Variants in PCDHGB7 observed in about 807,000 individuals in gnomAD.
PCDHGB7 encodes the protein protocadherin gamma subfamily B, 7, also known as protocadherin gamma-B7.
PCDHGB7 carries 37 observed loss-of-function variants against 61.4 expected under a neutral mutation model. The ratio of observed to expected loss-of-function variants is 0.60; its 90% confidence interval spans 0.46 to 0.79. The LOEUF (loss-of-function observed/expected upper bound fraction) is 0.79, where lower values mean the gene tolerates loss of function less well. PCDHGB7 is among the 30% of genes least tolerant of loss of function. The pLI is 0.00. For synonymous variants in PCDHGB7, 464 were observed against 503.5 expected, an observed-to-expected ratio of 0.92 and a Z score of 1.05; for missense variants, 1,166 against 1,202.5, an observed-to-expected ratio of 0.97 and a Z score of 0.45.
chr5:141,420,382 C>A, intron 1 of PCDHGB7, 108 bp downstream of exon 1: 1 of 1,300,530 alleles, frequency 7.7e-7, no homozygotes. Flanking sequence ...ATAGAGTTCG[C>A]AAAATATAGG....
intron 1 of PCDHGB7, among the ~76,000 whole-genome samples, chr5:141,451,830 G>A (rs940668278): frequency 6.6e-5 from 10 of 151,238 alleles, no homozygotes; most frequent in East Asian, 1.9e-4. Flanking sequence ...ACAGTGAGCC[G>A]AGATCACACC....
intron 1 of PCDHGB7, chr5:141,440,087 A>C (rs1014881024): frequency 6.6e-6 from 1 of 152,316 alleles, no homozygotes; most frequent in African/African-American, 2.4e-5. Context: ...CTTCATTCTA[A>C]GTGGGGAAAG....
intron 1 of PCDHGB7, chr5:141,426,675 C>T: frequency 2.3e-6 from 1 of 431,942 alleles, no homozygotes; most frequent in South Asian, 1.6e-5. Flanking sequence ...TAACCCACCT[C>T]ATTTTCCCCA....
chr5:141,460,214 G>C (rs925628892), intron 1 of PCDHGB7, among the ~76,000 whole-genome samples: 1 of 151,896 alleles, frequency 6.6e-6, no homozygotes, highest in South Asian at 2.1e-4. Flanking sequence ...CATTTTCTTA[G>C]TTGTGTCTTT....
Position 141,490,311 on chromosome 5 carries a change from C to T in PCDHGB7, c.2416-4496C>T. 6.2e-7 allele frequency: 1 copy of T among 1,614,200 alleles called. No individual in the cohort carries two copies. The highest frequency in any genetic ancestry group is 8.5e-7 in the Non-Finnish European group (1 of 1,180,018). On this transcript the variant is annotated intron_variant, in intron 1 of 3. Coordinates refer to ENST00000398594, the MANE Select transcript of PCDHGB7 (RefSeq NM_018927.4). This position sits in a 1 kb window ranked among gnomAD's most constrained non-coding sequence, Gnocchi z 5.4. ...AGGTGCTATTGGCCTCTTTGGCCAA[C>T]CCTGTCCTAGAGAGCACACCAGTGG...
At chr5:141,495,379 C>T (rs989240656) in intron 2 of PCDHGB7, among the ~76,000 whole-genome samples, 3 of 152,208 alleles carry the variant, frequency 2.0e-5, no homozygotes, top group Non-Finnish European at 4.4e-5. Context: ...TGAGGAAGGA[C>T]TGGGCGGGGC....
At chr5:141,421,613 A>G in intron 1 of PCDHGB7, 2 of 1,613,838 alleles carry the variant, frequency 1.2e-6, no homozygotes, top group South Asian at 2.2e-5. Flanking sequence ...GATATTAATG[A>G]TAACGCCCCC....
intron 2 of PCDHGB7, among the ~76,000 whole-genome samples, chr5:141,501,530 G>A (rs556760554): frequency 3.5e-4 from 53 of 151,998 alleles, no homozygotes; most frequent in Admixed American, 2.2e-3. Context: ...AGCCCAGTAC[G>A]TTGTTGTGCA....
chr5:141,436,393 A>G (rs560164691), intron 1 of PCDHGB7, among the ~76,000 whole-genome samples: 2 of 152,342 alleles, frequency 1.3e-5, no homozygotes, highest in South Asian at 4.1e-4. Context: ...GCTTTATTAA[A>G]TAGTTGTTGA....
intron 3 of PCDHGB7, among the ~76,000 whole-genome samples, chr5:141,510,468 A>G (rs1246106107): frequency 2.0e-5 from 3 of 152,152 alleles, no homozygotes; most frequent in Admixed American, 2.0e-4. Flanking sequence ...TGTGGGAGTC[A>G]GAGGCTCCCT....
intron 1 of PCDHGB7, chr5:141,430,854 G>A (rs140440273): frequency 5.0e-6 from 8 of 1,587,648 alleles, no homozygotes; most frequent in Middle Eastern, 1.7e-4. Flanking sequence ...ACCCAGATAC[G>A]CTATTCAGTT....
In PCDHGB7 at chr5:141,487,801, A is replaced by G. The variant is rs895741843; in HGVS notation, c.2416-7006A>G. The G allele has an allele frequency of 1.0e-5, 15 of 1,479,820 alleles. No individual in the cohort carries two copies. The highest frequency in any genetic ancestry group is 2.7e-6 in the Non-Finnish European group (3 of 1,095,672). The allele number at this position is 1,479,820 out of a possible 1,614,324, so 91.7% of individuals were successfully genotyped here. On this transcript the variant is annotated intron_variant, in intron 1 of 3. Coordinates refer to ENST00000398594, the MANE Select transcript of PCDHGB7 (RefSeq NM_018927.4). The surrounding 1 kb of genome is among the most constrained non-coding windows in gnomAD (Gnocchi z 5.0). ...GTTTCGTGAATTAACCAGAGTTGTC[A>G]CAGTTTAGCATTGGGGGCGGGTCAT... is the stretch of plus-strand genomic sequence containing the variant.
Position 141,477,393 on chromosome 5 carries a change from G to A in PCDHGB7, c.2416-17414G>A, listed in dbSNP as rs1397453429. On this transcript the variant is annotated intron_variant, in intron 1 of 3. Transcript: ENST00000398594. This position sits in a 1 kb window ranked among gnomAD's most constrained non-coding sequence, Gnocchi z 4.9. The stretch of plus-strand genomic sequence containing the variant: ...GAGACTGTGCCAGAATACAACCTCA[G>A]CATCACCGCCCGAGACGCCGGAACC... The A allele has an allele frequency of 5.6e-6, 9 of 1,614,098 alleles. No individual in the cohort carries two copies. Among genetic ancestry groups the A allele is most frequent in the Non-Finnish European group, 7.6e-6 (9 of 1,180,028 alleles).
At chr5:141,478,924 T>C (rs1213046748) in intron 1 of PCDHGB7, 10 of 704,004 alleles carry the variant, frequency 1.4e-5, no homozygotes. Context: ...CTCTAACCAG[T>C]GGCAGCTTCT....
rs2099383865 is a variant in PCDHGB7, at chr5:141,476,005, A to G, written c.2416-18802A>G. 1 of 1,267,576 alleles carries G rather than the reference A, an allele frequency of 7.9e-7. No homozygotes were observed. Among genetic ancestry groups the G allele is most frequent in the East Asian group, 2.3e-5 (1 of 42,864 alleles). 78.5% of individuals were successfully genotyped at this position (1,267,576 alleles called of 1,614,324 possible). A position where few individuals can be genotyped will look rare whatever the true frequency, so the allele number is the denominator to read the frequency against. ...CGGCGAGCAAATCAACGGCATCCAG[A>G]AAGCCATGTCGGACTCGGCGCCCAG... On this transcript the variant is annotated intron_variant, in intron 1 of 3. Coordinates refer to ENST00000398594, the MANE Select transcript of PCDHGB7 (RefSeq NM_018927.4). This position sits in a 1 kb window ranked among gnomAD's most constrained non-coding sequence, Gnocchi z 7.6.
chr5:141,489,094 G>GAAT lies in PCDHGB7; in HGVS notation c.2416-5711_2416-5710insTAA, dbSNP rs2154581134. 5.1e-6 allele frequency: 2 copies of GAAT among 396,028 alleles called. No homozygotes were observed. Among genetic ancestry groups the GAAT allele is most frequent in the Non-Finnish European group, 9.0e-6 (2 of 221,296 alleles). 24.5% of individuals were successfully genotyped at this position (396,028 alleles called of 1,614,324 possible). Reference sequence around the variant, plus strand: ...CCCACCCCCGCCACTCGGTGACTAAGAACTGCTGCAAGCAGGCAAACCTCC... The same window carrying GAAT: ...CCCACCCCCGCCACTCGGTGACTAAGAATAACTGCTGCAAGCAGGCAAACCTCC... On this transcript the variant is annotated intron_variant, in intron 1 of 3. Coordinates refer to ENST00000398594, the MANE Select transcript of PCDHGB7 (RefSeq NM_018927.4). The surrounding 1 kb of genome is among the most constrained non-coding windows in gnomAD (Gnocchi z 4.5).
chr5:141,467,055 CTTT>C (rs1193465269), intron 1 of PCDHGB7, among the ~76,000 whole-genome samples: 5 of 134,460 alleles, frequency 3.7e-5, no homozygotes, highest in Admixed American at 7.5e-5. Context: ...TCAATGTTTT[CTTT>C]TTTTTTTTTT....
In PCDHGB7 at chr5:141,476,374, GTTTGTGAACGACCGTC is replaced by G. The variant is rs1424626307; in HGVS notation, c.2416-18431_2416-18416del. 1 of 1,614,060 alleles carries G rather than the reference GTTTGTGAACGACCGTC, an allele frequency of 6.2e-7. No individual in the cohort carries two copies. The highest frequency in any genetic ancestry group is 1.3e-5 in the African/African-American group (1 of 74,922). Reference sequence around the variant, plus strand: ...AGGTGAACCGGGAGACCGGAGAGATGTTTGTGAACGACCGTCTGGATCGAGAGGAGCTGTGTGGGAC... The same window carrying G: ...AGGTGAACCGGGAGACCGGAGAGATGTGGATCGAGAGGAGCTGTGTGGGAC... On this transcript the variant is annotated intron_variant, in intron 1 of 3. Coordinates refer to ENST00000398594, the MANE Select transcript of PCDHGB7 (RefSeq NM_018927.4). The surrounding 1 kb of genome is among the most constrained non-coding windows in gnomAD (Gnocchi z 7.6).
Position 141,431,547 on chromosome 5 carries a change from T to C in PCDHGB7, c.2415+11273T>C. On this transcript the variant is annotated intron_variant, in intron 1 of 3. Transcript: ENST00000398594. The surrounding 1 kb of genome is among the most constrained non-coding windows in gnomAD (Gnocchi z 4.8). ...CTGGCCTTGGGCACGCAGCTGCTTG[T>C]AGTCAACGCTACCGACCCTGACGAA... The C allele has an allele frequency of 1.2e-6, 2 of 1,614,096 alleles. No homozygotes were observed. The highest frequency in any genetic ancestry group is 2.2e-5 in the East Asian group (1 of 44,882).
Sources: gnomAD v4.1 joint callset for allele counts (sites outside exome capture counted in the v4.1 genomes callset) on GRCh38, gnomAD v4.1.1 for gene constraint, Gnocchi (gnomAD v3.1) non-coding constraint, MANE v1.5 for transcripts, NCBI Gene and HGNC (gene_info 2026-07-23, HGNC 2026-07-21) for gene names.